PCDH11X: variants seen among roughly 807,000 people sequenced by gnomAD.
PCDH11X encodes the protein protocadherin 11 X-linked.
Under a neutral mutation model 53.3 loss-of-function variants are expected in PCDH11X, and 18 were observed. The observed-to-expected ratio is 0.34, with a 90% CI of 0.23 to 0.50. PCDH11X has a LOEUF of 0.50. Among genes scored for constraint, PCDH11X ranks in the 20% least tolerant of loss-of-function variants. The pLI is 0.98. For missense variants in PCDH11X, 570 were observed against 1,032.4 expected, an observed-to-expected ratio of 0.55 and a Z score of 6.14; for synonymous variants, 279 against 393.3, an observed-to-expected ratio of 0.71 and a Z score of 3.44.
intron 6 of PCDH11X, among the ~76,000 whole-genome samples, chrX:92,192,335 AATTT>A (rs1168658291): frequency 9.0e-6 from 1 of 111,432 alleles, no homozygotes; most frequent in African/African-American, 3.3e-5. Flanking sequence ...TTTATGTTTA[AATTT>A]ATTTGTTTGT....
intron 1 of PCDH11X, among the ~76,000 whole-genome samples, chrX:91,798,983 C>T (rs1246402899): frequency 9.0e-6 from 1 of 110,647 alleles, no homozygotes; most frequent in Non-Finnish European, 1.9e-5. Flanking sequence ...ATATTCAAAA[C>T]ATACTTTTAG....
intron 6 of PCDH11X, among the ~76,000 whole-genome samples, chrX:91,921,050 C>T (rs747257164): frequency 5.5e-4 from 61 of 111,641 alleles, no homozygotes; most frequent in African/African-American, 1.8e-3. Context: ...TAACATTTAC[C>T]ACAAAGCTTC....
chrX:92,298,372 C>T (rs2068653240), intron 8 of PCDH11X, among the ~76,000 whole-genome samples: 1 of 111,389 alleles, frequency 9.0e-6, no homozygotes, highest in Non-Finnish European at 1.9e-5. Flanking sequence ...TTAATTTTAT[C>T]AAAATCCCCT....
chrX:92,000,783 A>C (rs1467471409), intron 6 of PCDH11X, among the ~76,000 whole-genome samples: 36 of 87,236 alleles, frequency 4.1e-4, no homozygotes, highest in African/African-American at 1.4e-3. Context: ...CCATGAGTTC[A>C]ATTGCTTTGA....
intron 8 of PCDH11X, among the ~76,000 whole-genome samples, chrX:92,370,067 A>T (rs1300495689): frequency 2.9e-5 from 3 of 105,027 alleles, no homozygotes; most frequent in East Asian, 3.0e-4. Flanking sequence ...TTATCTCATA[A>T]TTTTTTTGCA....
At chrX:92,466,092 G>A (rs750635639) in intron 9 of PCDH11X, among the ~76,000 whole-genome samples, 19 of 111,119 alleles carry the variant, frequency 1.7e-4, no homozygotes, top group Non-Finnish European at 2.7e-4. Context: ...CACACTTAAC[G>A]TGTGAGATAT....
rs199630187 is a variant in PCDH11X at position 91,835,502 on chromosome X, G to C, written c.-3G>C. ...ACAACAAACTGTAACAAGTGTACCT[G>C]GTATGGACTTGTTGTCCGGGACGTA... On this transcript the variant is annotated 5_prime_UTR_variant, in exon 5 of 11. Transcript: ENST00000682573. The C allele has an allele frequency of 8.3e-6, 10 of 1,209,162 alleles. No individual in the cohort carries two copies. The highest frequency in any genetic ancestry group is 1.1e-5 in the Non-Finnish European group (10 of 895,084).
rs779119155 is a variant in PCDH11X at position 92,170,602 on chromosome X, T to C, written c.3034-30773T>C. ...AAACTTAATTTCTATTTTTTTAAAA[T>C]CTTTTTAATTTTAGAGACAGCATCT... is the stretch of plus-strand genomic sequence containing the variant. On this transcript the variant is annotated intron_variant, in intron 6 of 10. Coordinates refer to ENST00000682573, the MANE Select transcript of PCDH11X (RefSeq NM_032968.5). Among the ~76,000 whole-genome samples, 5 of 109,125 alleles carry C rather than the reference T, an allele frequency of 4.6e-5. No individual in the cohort carries two copies. In the South Asian group the frequency reaches 2.0e-3, roughly 44 times the overall value. The allele number at this position is 109,125 out of a possible 115,157, so 94.8% of individuals were successfully genotyped here.
intron 10 of PCDH11X, among the ~76,000 whole-genome samples, chrX:92,522,873 G>A (rs1426148646): frequency 1.8e-5 from 2 of 111,702 alleles, no homozygotes; most frequent in Non-Finnish European, 3.8e-5. Context: ...GGCCAAGTCA[G>A]TCTGACCCTA....
intron 8 of PCDH11X, among the ~76,000 whole-genome samples, chrX:92,376,908 GATTT>G (rs2070764719): frequency 9.0e-6 from 1 of 111,533 alleles, no homozygotes; most frequent in South Asian, 3.7e-4. Flanking sequence ...AGTCACTTGT[GATTT>G]ACATTAACAT....
At chrX:91,883,140 A>G in intron 6 of PCDH11X, 28 of 986,509 alleles carry the variant, frequency 2.8e-5, no homozygotes, top group Non-Finnish European at 3.6e-5. Context: ...ATGGAAATTT[A>G]AAATTTATGG....
intron 10 of PCDH11X, among the ~76,000 whole-genome samples, chrX:92,564,072 A>G (rs1332670983): frequency 9.1e-6 from 1 of 109,945 alleles, no homozygotes; most frequent in Non-Finnish European, 1.9e-5. Context: ...AAAAGTGAAA[A>G]GTCTCCACAA....
At chrX:92,359,953 G>T (rs1214985104) in intron 8 of PCDH11X, among the ~76,000 whole-genome samples, 3 of 110,585 alleles carry the variant, frequency 2.7e-5, no homozygotes, top group African/African-American at 9.8e-5. Context: ...TGAGTTGTCT[G>T]TAACAGCAAA....
intron 5 of PCDH11X, among the ~76,000 whole-genome samples, chrX:91,872,936 A>G (rs1410328063): frequency 9.3e-6 from 1 of 107,747 alleles, no homozygotes; most frequent in Non-Finnish European, 1.9e-5. Context: ...GAGATTGAAC[A>G]GAAAACAGTC....
intron 6 of PCDH11X, among the ~76,000 whole-genome samples, chrX:92,127,342 G>T (rs1319511879): frequency 9.2e-6 from 1 of 109,094 alleles, no homozygotes; most frequent in Non-Finnish European, 1.9e-5. Context: ...GGATTCATTT[G>T]CTTTATTCCC....
At chrX:92,075,699 A>G (rs2063762791) in intron 6 of PCDH11X, among the ~76,000 whole-genome samples, 1 of 111,934 alleles carries the variant, frequency 8.9e-6, no homozygotes, top group African/African-American at 3.2e-5. Flanking sequence ...GCTTCTTTAA[A>G]AGAAAAACTA....
At chrX:92,102,545 G>A (rs767490004) in intron 6 of PCDH11X, among the ~76,000 whole-genome samples, 81 of 111,586 alleles carry the variant, frequency 7.3e-4, no homozygotes, top group Middle Eastern at 4.6e-3. Flanking sequence ...GAATTATGCC[G>A]AAATAGGTAA....
intron 7 of PCDH11X, among the ~76,000 whole-genome samples, chrX:92,215,376 A>G (rs911918545): frequency 2.5e-4 from 27 of 107,105 alleles, no homozygotes; most frequent in African/African-American, 8.5e-4. Flanking sequence ...GATGAGCTTA[A>G]AAAACAGCAC....
chrX:92,319,887 G>A (rs900135903), intron 8 of PCDH11X, among the ~76,000 whole-genome samples: 1 of 111,954 alleles, frequency 8.9e-6, no homozygotes, highest in Non-Finnish European at 1.9e-5. Flanking sequence ...TTGTTTGCTA[G>A]TGGACACAGA....
Sources: allele counts gnomAD v4.1 joint callset (sites outside exome capture counted in the v4.1 genomes callset), GRCh38; gene constraint gnomAD v4.1.1; transcripts MANE v1.5; gene names NCBI Gene and HGNC (gene_info 2026-07-23, HGNC 2026-07-21).